Variants in CAST observed in about 807,000 individuals in gnomAD.
CAST encodes MIR583 host.
A neutral mutation model predicts 119.6 loss-of-function variants in CAST; 76 were observed. That is an observed-to-expected ratio of 0.64 (90% CI 0.53 to 0.77). The LOEUF is 0.77. Among genes scored for constraint, CAST ranks in the 30% least tolerant of loss-of-function variants. The pLI is 0.00. For missense variants in CAST, 953 were observed against 946.5 expected, an observed-to-expected ratio of 1.01 and a Z score of -0.09; for synonymous variants, 319 against 331.6, an observed-to-expected ratio of 0.96 and a Z score of 0.41.
At chr5:96,566,570 C>T (rs917586476) in intron 1 of CAST, among the ~76,000 whole-genome samples, 1 of 152,156 alleles carries the variant, frequency 6.6e-6, no homozygotes, top group Non-Finnish European at 1.5e-5. Context: ...TCTGAGAGGT[C>T]CATGACCCAC....
chr5:96,333,189 G>C, the CAST span, among the ~76,000 whole-genome samples: 1 of 151,752 alleles, frequency 6.6e-6, no homozygotes, highest in African/African-American at 2.4e-5. Context: ...AGGGGCTTGG[G>C]GCTCCTCTGG....
chr5:96,134,955 A>G, the CAST span, among the ~76,000 whole-genome samples: 1 of 152,218 alleles, frequency 6.6e-6, no homozygotes, highest in African/African-American at 2.4e-5. Context: ...GGAGCTGACA[A>G]GGAAAGATGA....
chr5:96,325,636 C>T, the CAST span, among the ~76,000 whole-genome samples: 9 of 151,936 alleles, frequency 5.9e-5, no homozygotes, highest in Non-Finnish European at 1.2e-4. Context: ...CATGCTACCA[C>T]GTCCGGCTAA....
intron 1 of CAST, among the ~76,000 whole-genome samples, chr5:96,581,672 C>T (rs997049245): frequency 6.6e-6 from 1 of 152,138 alleles, no homozygotes. Context: ...GGGCGGATCA[C>T]AAGGTCAGGA....
At chr5:96,337,475 G>C in the CAST span, among the ~76,000 whole-genome samples, 5 of 152,130 alleles carry the variant, frequency 3.3e-5, no homozygotes. Flanking sequence ...AAAAATATTA[G>C]GACACCATTT....
the CAST span, among the ~76,000 whole-genome samples, chr5:96,437,807 T>C: frequency 6.6e-6 from 1 of 152,198 alleles, no homozygotes; most frequent in Admixed American, 6.5e-5. Context: ...GACACTCCTC[T>C]GTGATATTTT....
the CAST span, among the ~76,000 whole-genome samples, chr5:96,483,056 T>C: frequency 6.6e-6 from 1 of 152,166 alleles, no homozygotes; most frequent in Non-Finnish European, 1.5e-5. Flanking sequence ...ATTATACATT[T>C]TATCATTTCA....
chr5:96,046,121 G>A, the CAST span, among the ~76,000 whole-genome samples: 5 of 152,170 alleles, frequency 3.3e-5, no homozygotes, highest in African/African-American at 4.8e-5. Context: ...GGAGGCCAGC[G>A]TGGCTGGAGT....
chr5:96,393,128 T>G, the CAST span: 1 of 1,614,214 alleles, frequency 6.2e-7, no homozygotes, highest in Admixed American at 1.7e-5. Flanking sequence ...GTCTTTAAGC[T>G]GGGAAGGTTT....
chr5:96,133,254 A>G, the CAST span, among the ~76,000 whole-genome samples: 1 of 151,990 alleles, frequency 6.6e-6, no homozygotes, highest in Non-Finnish European at 1.5e-5. Flanking sequence ...CTTAAAGACC[A>G]CTTTTGGTTC....
At chr5:96,415,699 T>C in the CAST span, among the ~76,000 whole-genome samples, 1 of 152,194 alleles carries the variant, frequency 6.6e-6, no homozygotes, top group Non-Finnish European at 1.5e-5. Flanking sequence ...TTTGCCTAAA[T>C]TTACCTCCTC....
chr5:96,122,221 A>T, the CAST span, among the ~76,000 whole-genome samples: 1 of 152,164 alleles, frequency 6.6e-6, no homozygotes, highest in African/African-American at 2.4e-5. Flanking sequence ...TTGAGAAACT[A>T]CCCTTTTTAG....
the CAST span, among the ~76,000 whole-genome samples, chr5:96,478,029 G>A: frequency 1.3e-5 from 2 of 152,136 alleles, no homozygotes; most frequent in African/African-American, 4.8e-5. Context: ...TTCCTTTTAA[G>A]CAGAGATATA....
At chr5:96,684,526 T>TA (rs1170152720) in intron 2 of CAST, among the ~76,000 whole-genome samples, 1 of 151,972 alleles carries the variant, frequency 6.6e-6, no homozygotes, top group East Asian at 1.9e-4. Context: ...TGCAGAAACA[T>TA]ACGCCAATAG....
At chr5:96,439,927 C>T in the CAST span, among the ~76,000 whole-genome samples, 1 of 151,820 alleles carries the variant, frequency 6.6e-6, no homozygotes, top group Non-Finnish European at 1.5e-5. Flanking sequence ...TTATGACAGG[C>T]AAAAAAATTG....
At chr5:96,423,241 G>T in the CAST span, 2 of 1,465,124 alleles carry the variant, frequency 1.4e-6, no homozygotes, top group South Asian at 2.4e-5. Context: ...CCCTTGAAAA[G>T]AAGGAAAGCC....
At chr5:96,260,423 T>A in the CAST span, among the ~76,000 whole-genome samples, 3 of 152,222 alleles carry the variant, frequency 2.0e-5, no homozygotes, top group Non-Finnish European at 2.9e-5. Flanking sequence ...TTCTGTCCTT[T>A]AGCTTCAGAG....
chr5:96,040,551 A>C, the CAST span, among the ~76,000 whole-genome samples: 2 of 152,098 alleles, frequency 1.3e-5, no homozygotes, highest in African/African-American at 4.8e-5. Context: ...CCTTCCATCG[A>C]TACCTAGTTT....
the CAST span, among the ~76,000 whole-genome samples, chr5:96,364,357 A>C: frequency 6.6e-6 from 1 of 152,214 alleles, no homozygotes; most frequent in Non-Finnish European, 1.5e-5. Context: ...AAAATGAGTT[A>C]GGGAGGATTC....
Sources: allele counts gnomAD v4.1 joint callset (sites outside exome capture counted in the v4.1 genomes callset), GRCh38; gene constraint gnomAD v4.1.1; transcripts MANE v1.5; gene names NCBI Gene and HGNC (gene_info 2026-07-23, HGNC 2026-07-21).